The following PXYLP1 variants were observed in gnomAD, a reference collection of about 807,000 sequenced individuals.
The protein encoded by PXYLP1 is acid phosphatase-like 2.
Under a neutral mutation model 37.9 loss-of-function variants are expected in PXYLP1, and 17 were observed. The ratio of observed to expected loss-of-function variants is 0.45; its 90% CI spans 0.31 to 0.67. The LOEUF is 0.67. Ranked by LOEUF, PXYLP1 falls within the 30% of genes least tolerant of loss-of-function variation. The probability of loss-of-function intolerance (pLI) is 0.07; values close to 1 mark genes in which losing one functional copy is unlikely to be tolerated. For synonymous variants in PXYLP1, 221 were observed against 232.2 expected (o/e 0.95, Z 0.44); for missense variants, 511 against 612.0 (o/e 0.84, Z 1.74).
At chr3:141,278,600 C>T in intron 3 of PXYLP1, 100 bp downstream of exon 3, 2 of 1,449,452 alleles carry the variant, frequency 1.4e-6, no homozygotes, top group Non-Finnish European at 1.9e-6. Context: ...GGACCCAAGT[C>T]CTGCAGTTGC....
chr3:141,259,262 A>G (rs1352898605), intron 1 of PXYLP1, among the ~76,000 whole-genome samples: 1 of 152,216 alleles, frequency 6.6e-6, no homozygotes, highest in Non-Finnish European at 1.5e-5. Context: ...TACCGTTACA[A>G]TCTAACTGTA....
chr3:141,256,256 C>T (rs191233018), intron 1 of PXYLP1, among the ~76,000 whole-genome samples: 2 of 152,286 alleles, frequency 1.3e-5, no homozygotes, highest in East Asian at 3.9e-4. Flanking sequence ...CCGCCACCTG[C>T]TCTTTTGTCT....
At chr3:141,286,440 G>A (rs1028884281) in intron 4 of PXYLP1, among the ~76,000 whole-genome samples, 2 of 152,182 alleles carry the variant, frequency 1.3e-5, no homozygotes, top group African/African-American at 4.8e-5. Flanking sequence ...CCTAAAGGGG[G>A]ATTTTTCAGA....
chr3:141,237,459 T>C (rs573642858), intron 1 of PXYLP1, among the ~76,000 whole-genome samples: 25 of 152,308 alleles, frequency 1.6e-4, no homozygotes, highest in African/African-American at 6.0e-4. Flanking sequence ...GGCTCTACCA[T>C]TACTAGCAAT....
At chr3:141,284,496 A>T (rs532036488) in intron 4 of PXYLP1, among the ~76,000 whole-genome samples, 1 of 152,236 alleles carries the variant, frequency 6.6e-6, no homozygotes, top group Non-Finnish European at 1.5e-5. Context: ...CGACTAGTAC[A>T]CTAGTCTCAT....
In PXYLP1 at chr3:141,292,713, C is replaced by T. The variant is rs753774760; in HGVS notation, c.951C>T (p.Asp317=). 6.2e-6 allele frequency: 10 copies of T among 1,613,970 alleles called. No homozygotes were observed. Among genetic ancestry groups the T allele is most frequent in the Non-Finnish European group, 8.5e-6 (10 of 1,180,012 alleles). Residue 317 remains aspartate, a synonymous_variant, in exon 6 of 6, where the codon GAC becomes GAT. Transcript: ENST00000286353. The surrounding 1 kb of genome is among the most constrained non-coding windows in gnomAD (Gnocchi z 4.3). ...CCTGTACCAGAAATGGCTGTGTTGA[C>T]ATGGAGCACTTCAAGGTAATTAAGA... ...SFPCTRNGCV[D]MEHFKVIKTH...
intron 4 of PXYLP1, among the ~76,000 whole-genome samples, chr3:141,279,811 C>T (rs745991928): frequency 3.9e-5 from 6 of 152,176 alleles, no homozygotes; most frequent in African/African-American, 9.7e-5. Flanking sequence ...AAGAGTCCTC[C>T]GCCCCAGCTC....
intron 3 of PXYLP1, 78 bp downstream of exon 3, chr3:141,278,578 G>A (rs951470174): frequency 1.2e-5 from 19 of 1,555,422 alleles, no homozygotes; most frequent in Non-Finnish European, 1.6e-5. Context: ...GCAGTAAGGA[G>A]CAAGATGGCC....
intron 1 of PXYLP1, among the ~76,000 whole-genome samples, chr3:141,259,780 C>T (rs1455650265): frequency 1.3e-5 from 2 of 152,200 alleles, no homozygotes; most frequent in Non-Finnish European, 2.9e-5. Flanking sequence ...GTGAAGATTT[C>T]CCTTATTGTC....
At chr3:141,261,786 G>T (rs1391053911) in intron 2 of PXYLP1, among the ~76,000 whole-genome samples, 3 of 152,232 alleles carry the variant, frequency 2.0e-5, no homozygotes, top group Non-Finnish European at 2.9e-5. Context: ...GTAAATGTCT[G>T]CTGAATGCAT....
intron 1 of PXYLP1, among the ~76,000 whole-genome samples, chr3:141,243,412 C>G (rs1235414482): frequency 6.6e-6 from 1 of 152,178 alleles, no homozygotes; most frequent in Non-Finnish European, 1.5e-5. Context: ...CTACGGGAAC[C>G]CAGTCTGGCT....
chr3:141,260,087 C>A, intron 1 of PXYLP1, 36 bp from the exon 2 acceptor site: 1 of 1,511,374 alleles, frequency 6.6e-7, no homozygotes, highest in African/African-American at 1.4e-5. Flanking sequence ...TTCTCCACCT[C>A]TAAACACTCA....
At chr3:141,252,241 G>A (rs1379782330) in intron 1 of PXYLP1, among the ~76,000 whole-genome samples, 1 of 152,100 alleles carries the variant, frequency 6.6e-6, no homozygotes. Flanking sequence ...CTTTATTCAG[G>A]GCCTGCTTCA....
At chr3:141,285,070 C>T (rs1033351844) in intron 4 of PXYLP1, among the ~76,000 whole-genome samples, 6 of 151,168 alleles carry the variant, frequency 4.0e-5, no homozygotes, top group African/African-American at 7.3e-5. Context: ...GTCCAGGACT[C>T]GAGTTACCTG....
At chr3:141,285,689 C>A (rs1426604400) in intron 4 of PXYLP1, among the ~76,000 whole-genome samples, 1 of 152,206 alleles carries the variant, frequency 6.6e-6, no homozygotes, top group Non-Finnish European at 1.5e-5. Flanking sequence ...AAAGCTCCAA[C>A]CTGAAATAAT....
chr3:141,273,625 G>A (rs1416773530), intron 2 of PXYLP1: 11 of 985,256 alleles, frequency 1.1e-5, no homozygotes, highest in Non-Finnish European at 1.3e-5. Flanking sequence ...ATGCTTTAGA[G>A]GTCATGTTCT....
intron 2 of PXYLP1, chr3:141,272,869 C>G (rs1941699880): frequency 3.1e-6 from 2 of 653,436 alleles, no homozygotes; most frequent in Non-Finnish European, 3.8e-6. Flanking sequence ...CTTTCCCAGC[C>G]CACTGACTCA....
chr3:141,259,367 G>A (rs1941339009), intron 1 of PXYLP1, among the ~76,000 whole-genome samples: 1 of 151,064 alleles, frequency 6.6e-6, no homozygotes, highest in South Asian at 2.1e-4. Context: ...AAAACTGATA[G>A]GGTAGAAGTT....
At chr3:141,285,743 G>A (rs1306223433) in intron 4 of PXYLP1, among the ~76,000 whole-genome samples, 5 of 152,236 alleles carry the variant, frequency 3.3e-5, no homozygotes, top group African/African-American at 1.2e-4. Context: ...GATAGCCTTT[G>A]TTTATGTGGA....
Sources: gnomAD v4.1 joint callset for allele counts (sites outside exome capture counted in the v4.1 genomes callset) on GRCh38, gnomAD v4.1.1 for gene constraint, Gnocchi (gnomAD v3.1) non-coding constraint, MANE v1.5 for transcripts, NCBI Gene and HGNC (gene_info 2026-07-23, HGNC 2026-07-21) for gene names.